The following WDR5 variants were observed in gnomAD, a reference collection of about 807,000 sequenced individuals.
WDR5 encodes WD repeat-containing protein 5.
For missense variants in WDR5, 187 were observed against 416.9 expected, an observed-to-expected ratio of 0.45 and a Z score of 4.80; for synonymous variants, 144 against 161.6, an observed-to-expected ratio of 0.89 and a Z score of 0.83.
chr9:134,139,840 C>T lies in WDR5; in HGVS notation c.-38C>T. 6.2e-7 allele frequency: 1 copy of T among 1,611,514 alleles called. No homozygotes were observed. The highest frequency in any genetic ancestry group is 8.5e-7 in the Non-Finnish European group (1 of 1,178,338). On this transcript the variant is annotated 5_prime_UTR_variant, in exon 2 of 14. Coordinates refer to ENST00000358625, the MANE Select transcript of WDR5 (RefSeq NM_017588.3). ...AACAGACTGCCTCTGTCACCGGGTCCCTCCACCCTTGTCTCCTGTGCGGCC... is the reference window on the plus strand; with the variant it reads ...AACAGACTGCCTCTGTCACCGGGTCTCTCCACCCTTGTCTCCTGTGCGGCC...
chr9:134,141,069 G>C (rs1327268694), intron 3 of WDR5, among the ~76,000 whole-genome samples: 1 of 152,166 alleles, frequency 6.6e-6, no homozygotes, highest in Non-Finnish European at 1.5e-5. Context: ...GGATCACGAG[G>C]TCAGGAGTTC....
Position 134,142,438 on chromosome 9 carries a change from G to T in WDR5, c.444+16G>T. On this transcript the variant is annotated intron_variant, in intron 6 of 13. Transcript: ENST00000358625. ...CTCAGGATCCGTAAGTGTGGCTGGG[G>T]TGTCTTCCCTGGGGGAGGTGGTGTC... 6.2e-7 allele frequency: 1 copy of T among 1,613,672 alleles called. No individual in the cohort carries two copies. Among genetic ancestry groups the T allele is most frequent in the Non-Finnish European group, 8.5e-7 (1 of 1,179,604 alleles).
intron 1 of WDR5, among the ~76,000 whole-genome samples, 187 bp from the exon 2 acceptor site, chr9:134,139,633 G>T (rs1831770996): frequency 6.6e-6 from 1 of 152,226 alleles, no homozygotes; most frequent in Admixed American, 6.5e-5. Context: ...AGGGGTGTCA[G>T]CGGAGCAGCT....
intron 7 of WDR5, among the ~76,000 whole-genome samples, chr9:134,143,259 G>T (rs1564190221): frequency 6.6e-6 from 1 of 152,228 alleles, no homozygotes; most frequent in African/African-American, 2.4e-5. Flanking sequence ...ACGGCCGAGA[G>T]GCCGGGCGTG....
chr9:134,145,792 G>T (rs1832162599), intron 7 of WDR5, among the ~76,000 whole-genome samples: 1 of 152,068 alleles, frequency 6.6e-6, no homozygotes, highest in Non-Finnish European at 1.5e-5. Context: ...CTTGCACCCG[G>T]GACCTGTGTT....
chr9:134,153,472 T>C (rs967597723), intron 9 of WDR5, among the ~76,000 whole-genome samples: 5 of 152,360 alleles, frequency 3.3e-5, no homozygotes, highest in East Asian at 1.9e-4. Context: ...GGGTTAGGCA[T>C]GCGGACACGC....
chr9:134,158,907 C>G lies in WDR5; in HGVS notation c.*914C>G, dbSNP rs1832872288. On this transcript the variant is annotated 3_prime_UTR_variant, in exon 14 of 14. Transcript: ENST00000358625. ...TCTTAGTTGCGAAGGAGCCAAGCTC[C>G]TGATGGACTTGCGTTGGGATGTGGG... 6.6e-6 allele frequency: 1 copy of G among 152,238 alleles called. No individual in the cohort carries two copies. Among genetic ancestry groups the G allele is most frequent in the Admixed American group, 6.5e-5 (1 of 15,280 alleles). The allele number at this position is 152,238 out of a possible 1,614,324, so 9.4% of individuals were successfully genotyped here. A position where few individuals can be genotyped will look rare whatever the true frequency, so the allele number is the denominator to read the frequency against.
intron 3 of WDR5, among the ~76,000 whole-genome samples, chr9:134,141,264 C>T (rs752621280): frequency 1.6e-4 from 24 of 151,956 alleles, no homozygotes; most frequent in Non-Finnish European, 3.1e-4. Flanking sequence ...CCAGCCTGGG[C>T]GACAGAGCCA....
Position 134,141,491 on chromosome 9 carries a change from T to C in WDR5, c.191-19T>C, listed in dbSNP as rs985577556. ...ATTGTGTCCTGCTCTTAGCCTCAGA[T>C]CCTTTTGTTTTCTTTCAGCTGCTGA... On this transcript the variant is annotated intron_variant, in intron 3 of 13. Transcript: ENST00000358625. 6.2e-7 allele frequency: 1 copy of C among 1,613,544 alleles called. No individual in the cohort carries two copies. The highest frequency in any genetic ancestry group is 8.5e-7 in the Non-Finnish European group (1 of 1,179,566).
intron 12 of WDR5, 36 bp downstream of exon 12, chr9:134,155,803 C>T: frequency 6.3e-7 from 1 of 1,596,992 alleles, no homozygotes; most frequent in Admixed American, 1.7e-5. Flanking sequence ...TCACCTGTTC[C>T]CAGCTTACTC....
intron 1 of WDR5, among the ~76,000 whole-genome samples, chr9:134,138,371 T>A (rs1831692956): frequency 6.6e-6 from 1 of 152,250 alleles, no homozygotes; most frequent in Non-Finnish European, 1.5e-5. Context: ...ACTGTTATAG[T>A]GGACTTTGCA....
intron 1 of WDR5, among the ~76,000 whole-genome samples, chr9:134,138,047 A>G (rs1304206471): frequency 1.3e-5 from 2 of 152,172 alleles, no homozygotes; most frequent in Non-Finnish European, 2.9e-5. Context: ...CAGCCATCAT[A>G]TTCTTAAAAG....
Position 134,141,565 on chromosome 9 carries a change from C to T in WDR5, c.246C>T (p.Thr82=), listed in dbSNP as rs781671204. The part of the protein sequence containing the change: ...WGAYDGKFEK[T]ISGHKLGISD... Reference sequence around the variant, plus strand: ...CGTATGATGGGAAATTTGAGAAAACCATATCTGGTCACAAGCTGGTAGGTT... The same window carrying T: ...CGTATGATGGGAAATTTGAGAAAACTATATCTGGTCACAAGCTGGTAGGTT... Residue 82 remains threonine (T), a synonymous_variant, in exon 4 of 14, where the codon ACC becomes ACT. Coordinates refer to ENST00000358625, the MANE Select transcript of WDR5 (RefSeq NM_017588.3). The T allele has an allele frequency of 2.5e-6, 4 of 1,614,102 alleles. No homozygotes were observed. The highest frequency in any genetic ancestry group is 3.4e-6 in the Non-Finnish European group (4 of 1,180,000).
chr9:134,137,907 T>A (rs1326733471), intron 1 of WDR5, among the ~76,000 whole-genome samples: 1 of 152,064 alleles, frequency 6.6e-6, no homozygotes, highest in Non-Finnish European at 1.5e-5. Flanking sequence ...CACACCCGGC[T>A]AATTTCTGTA....
intron 7 of WDR5, among the ~76,000 whole-genome samples, 168 bp downstream of exon 7, chr9:134,142,887 A>C (rs886771173): frequency 3.3e-5 from 5 of 152,066 alleles, no homozygotes; most frequent in African/African-American, 1.2e-4. Flanking sequence ...CTGGGACTTG[A>C]GAAATGAGTC....
intron 5 of WDR5, 36 bp downstream of exon 5, chr9:134,142,074 C>G: frequency 6.3e-7 from 1 of 1,577,896 alleles, no homozygotes; most frequent in East Asian, 2.3e-5. Context: ...CAGGGGAGAC[C>G]GGCTGCAGGG....
intron 9 of WDR5, 63 bp downstream of exon 9, chr9:134,152,092 C>T (rs1390084629): frequency 4.5e-6 from 7 of 1,563,158 alleles, no homozygotes; most frequent in African/African-American, 4.1e-5. Context: ...GGGTTCACTG[C>T]CCCTGTTCTT....
intron 7 of WDR5, among the ~76,000 whole-genome samples, chr9:134,147,766 TC>T (rs1307086584): frequency 6.6e-6 from 1 of 152,050 alleles, no homozygotes; most frequent in Non-Finnish European, 1.5e-5. Flanking sequence ...ATGCCTGTAC[TC>T]CCAGCACTTC....
chr9:134,151,353 C>T (rs113861982), intron 8 of WDR5, among the ~76,000 whole-genome samples: 2 of 152,232 alleles, frequency 1.3e-5, no homozygotes, highest in African/African-American at 2.4e-5. Context: ...CATGGGGTCT[C>T]GTGCTTGGGG....
Sources: gnomAD v4.1 joint callset for allele counts (sites outside exome capture counted in the v4.1 genomes callset) on GRCh38, gnomAD v4.1.1 for gene constraint, MANE v1.5 for transcripts, NCBI Gene and HGNC (gene_info 2026-07-23, HGNC 2026-07-21) for gene names.